TSPAN11: variants seen among roughly 807,000 people sequenced by gnomAD.
The protein encoded by TSPAN11 is tetraspanin 11, also known as tetraspanin-11.
TSPAN11 carries 29 observed loss-of-function variants against 32.9 expected under a neutral mutation model. The ratio of observed to expected loss-of-function variants is 0.88; its 90% confidence interval spans 0.66 to 1.20. The LOEUF is 1.20. Among genes scored for constraint, TSPAN11 ranks in the 50% most tolerant of loss-of-function variants. TSPAN11 has a pLI of 0.00. For missense variants in TSPAN11, 283 were observed against 329.1 expected (o/e 0.86, Z 1.08); for synonymous variants, 140 against 141.3 (o/e 0.99, Z 0.07).
At chr12:30,948,071 G>T (rs1392125699) in intron 1 of TSPAN11, among the ~76,000 whole-genome samples, 1 of 152,172 alleles carries the variant, frequency 6.6e-6, no homozygotes, top group Non-Finnish European at 1.5e-5. Flanking sequence ...AAATTTCAAA[G>T]CTCCAAAATG....
intron 1 of TSPAN11, among the ~76,000 whole-genome samples, chr12:30,936,094 T>A (rs1208617210): frequency 6.6e-6 from 1 of 152,240 alleles, no homozygotes; most frequent in Non-Finnish European, 1.5e-5. Context: ...TCTCATTCCC[T>A]GGATCAGAAA....
intron 1 of TSPAN11, among the ~76,000 whole-genome samples, chr12:30,947,961 G>A (rs555011436): frequency 6.6e-6 from 1 of 152,170 alleles, no homozygotes; most frequent in Non-Finnish European, 1.5e-5. Flanking sequence ...TACAATGGTG[G>A]TACAGGTATT....
intron 7 of TSPAN11, among the ~76,000 whole-genome samples, chr12:30,983,609 TTGTG>T (rs1330830173): frequency 6.6e-6 from 1 of 152,096 alleles, no homozygotes; most frequent in South Asian, 2.1e-4. Context: ...GCATGTGTGT[TTGTG>T]TGTGTGTATA....
chr12:30,962,454 AT>A (rs1938632354), intron 2 of TSPAN11, among the ~76,000 whole-genome samples: 2 of 152,226 alleles, frequency 1.3e-5, no homozygotes, highest in South Asian at 4.1e-4. Context: ...CAATTTCCTC[AT>A]CTGCAAAATG....
intron 7 of TSPAN11, among the ~76,000 whole-genome samples, chr12:30,983,571 A>C (rs147087606): frequency 5.8e-4 from 88 of 152,140 alleles, no homozygotes; most frequent in African/African-American, 2.0e-3. Context: ...GTGAGTGTGC[A>C]CGTATCTGCA....
At chr12:30,974,816 C>G (rs1938927976) in intron 3 of TSPAN11, among the ~76,000 whole-genome samples, 1 of 152,226 alleles carries the variant, frequency 6.6e-6, no homozygotes, top group Admixed American at 6.5e-5. Flanking sequence ...AACCGCACGG[C>G]AGGCGAAGGG....
intron 1 of TSPAN11, among the ~76,000 whole-genome samples, chr12:30,940,355 A>G (rs529022677): frequency 9.9e-5 from 15 of 152,252 alleles, no homozygotes; most frequent in African/African-American, 3.6e-4. Context: ...TACATCAGGT[A>G]CTCTGTTGGG....
In TSPAN11 at chr12:30,993,111, G is replaced by T. The variant is rs1024500025; in HGVS notation, c.*1196G>T. ...GCAGCTTTTTGTACAACACCCATAG[G>T]GACCCCCCCAAATGGCTATTACAAA... is the stretch of plus-strand genomic sequence containing the variant. On this transcript the variant is annotated 3_prime_UTR_variant, in exon 8 of 8. Transcript: ENST00000546076. 6.7e-6 allele frequency: 1 copy of T among 148,662 alleles called. No individual in the cohort carries two copies. The highest frequency in any genetic ancestry group is 2.6e-5 in the African/African-American group (1 of 39,210). 9.2% of individuals were successfully genotyped at this position (148,662 alleles called of 1,614,324 possible).
Position 30,992,698 on chromosome 12 carries a change from G to A in TSPAN11, c.*783G>A, listed in dbSNP as rs3803110. ...ACGCCCCTCGGGAATCTCCTGTTCC[G>A]GGGCCTGATTCTCAGGAACACCAGG... On this transcript the variant is annotated 3_prime_UTR_variant, in exon 8 of 8. Transcript: ENST00000546076. 329 of 152,410 alleles carry A rather than the reference G, an allele frequency of 2.2e-3. 14 individuals are homozygous for A. In the East Asian group the frequency reaches 0.056, roughly 26 times the overall value. 9.4% of individuals were successfully genotyped at this position (152,410 alleles called of 1,614,324 possible). A position where few individuals can be genotyped will look rare whatever the true frequency, so the allele number is the denominator to read the frequency against.
the TSPAN11 span, among the ~76,000 whole-genome samples, chr12:31,001,966 G>GCT: frequency 6.6e-6 from 1 of 152,186 alleles, no homozygotes; most frequent in African/African-American, 2.4e-5. Flanking sequence ...CCACAGACCT[G>GCT]GTGGCAGGAG....
At chr12:30,959,833 G>A (rs779860625) in intron 2 of TSPAN11, among the ~76,000 whole-genome samples, 6 of 150,560 alleles carry the variant, frequency 4.0e-5, no homozygotes, top group African/African-American at 1.5e-4. Flanking sequence ...ACCAGAAGAT[G>A]ATGCCAAAAA....
intron 3 of TSPAN11, among the ~76,000 whole-genome samples, chr12:30,972,806 G>T (rs961606968): frequency 6.6e-6 from 1 of 151,818 alleles, no homozygotes; most frequent in African/African-American, 2.4e-5. Flanking sequence ...GGCTGCGCAG[G>T]GGGGAGGTGG....
rs547943741 is a variant in TSPAN11, at chr12:30,970,511, C to T, written c.276+6494C>T. Among the ~76,000 whole-genome samples the T allele has an allele frequency of 7.2e-5, 11 of 152,280 alleles. No homozygotes were observed. The East Asian group carries it at 2.1e-3, about 29-fold the overall frequency. ...GATGTGCCTCTAGAAGACTTGCTGC[C>T]TCCCCAAGACCCAGTTTTTTTCCCT... On this transcript the variant is annotated intron_variant, in intron 3 of 7. Transcript: ENST00000546076.
At chr12:30,949,935 G>A (rs1246844047) in intron 1 of TSPAN11, among the ~76,000 whole-genome samples, 7 of 151,626 alleles carry the variant, frequency 4.6e-5, no homozygotes, top group Admixed American at 6.6e-5. Flanking sequence ...CCTCCCCCTC[G>A]CACATCATTT....
At chr12:30,935,820 G>C (rs937972936) in intron 1 of TSPAN11, among the ~76,000 whole-genome samples, 6 of 152,142 alleles carry the variant, frequency 3.9e-5, no homozygotes, top group African/African-American at 1.4e-4. Context: ...TAGGCAGCCT[G>C]GGTCAGCTGC....
the TSPAN11 span, among the ~76,000 whole-genome samples, chr12:31,008,088 A>G: frequency 0.31 from 45,996 of 148,598 alleles, 7,870 homozygotes; most frequent in Non-Finnish European, 0.38. Flanking sequence ...TCACCCTCCA[A>G]CAACTTATTC....
chr12:30,956,966 G>T (rs1013972613), intron 2 of TSPAN11, among the ~76,000 whole-genome samples: 2 of 152,226 alleles, frequency 1.3e-5, no homozygotes, highest in African/African-American at 4.8e-5. Flanking sequence ...GGGGACCGGG[G>T]ATACATGGGG....
At chr12:30,927,873 A>G (rs1249352561) in intron 1 of TSPAN11, among the ~76,000 whole-genome samples, 2 of 152,150 alleles carry the variant, frequency 1.3e-5, no homozygotes, top group Non-Finnish European at 2.9e-5. Context: ...AAATGGGACT[A>G]ATAACCACTG....
chr12:30,966,021 ATTT>A lies in TSPAN11; in HGVS notation c.276+2016_276+2018del, dbSNP rs34029759. Reference sequence around the variant, plus strand: ...AAAACATTATGAGATTTTTTTTGTGATTTTTTTTTTTTTTAGCTGATCAGCTGT... The same window carrying A: ...AAAACATTATGAGATTTTTTTTGTGATTTTTTTTTTTAGCTGATCAGCTGT... On this transcript the variant is annotated intron_variant, in intron 3 of 7. Coordinates refer to ENST00000546076, the MANE Select transcript of TSPAN11 (RefSeq NM_001370302.1). Among the ~76,000 whole-genome samples the A allele has an allele frequency of 8.2e-5, 12 of 146,048 alleles. No individual in the cohort carries two copies. The South Asian group carries it at 1.3e-3, about 16-fold the overall frequency.
Sources: allele counts gnomAD v4.1 joint callset (sites outside exome capture counted in the v4.1 genomes callset), GRCh38; gene constraint gnomAD v4.1.1; transcripts MANE v1.5; gene names NCBI Gene and HGNC (gene_info 2026-07-23, HGNC 2026-07-21).